SLC12A8: variants seen among roughly 807,000 people sequenced by gnomAD.
SLC12A8 encodes the protein solute carrier family 12 member 8, also known as cation-chloride cotransporter 9.
A neutral mutation model predicts 75.6 loss-of-function variants in SLC12A8; 69 were observed. The observed-to-expected ratio is 0.91, with a 90% CI of 0.75 to 1.11. SLC12A8 has a LOEUF of 1.11. Ranked by LOEUF, SLC12A8 falls within the 50% of genes most tolerant of loss-of-function variation. The pLI is 0.00. For synonymous variants in SLC12A8, 365 were observed against 372.8 expected (o/e 0.98, Z 0.24); for missense variants, 877 against 896.7 (o/e 0.98, Z 0.28).
At chr3:125,179,697 T>C (rs1015165291) in intron 4 of SLC12A8, among the ~76,000 whole-genome samples, 1 of 132,474 alleles carries the variant, frequency 7.5e-6, no homozygotes, top group African/African-American at 2.9e-5. Flanking sequence ...GGAAATACAA[T>C]CATTTCTGAG....
intron 5 of SLC12A8, among the ~76,000 whole-genome samples, chr3:125,140,286 GACTA>G (rs1293615828): frequency 2.6e-5 from 4 of 152,178 alleles, no homozygotes; most frequent in African/African-American, 9.7e-5. Flanking sequence ...CTTGTACGAT[GACTA>G]ACTGAGGACA....
At chr3:125,190,228 T>C (rs1934882209) in intron 3 of SLC12A8, 147 bp downstream of exon 3, 4 of 819,360 alleles carry the variant, frequency 4.9e-6, no homozygotes, top group Non-Finnish European at 7.8e-6. Flanking sequence ...CAAGCAATGC[T>C]AGCTATTCAT....
At chr3:125,201,056 C>G (rs1215377161) in intron 2 of SLC12A8, among the ~76,000 whole-genome samples, 1 of 151,826 alleles carries the variant, frequency 6.6e-6, no homozygotes, top group Non-Finnish European at 1.5e-5. Flanking sequence ...ACCCTTTTTT[C>G]TTTCTTTCTG....
At chr3:125,179,130 T>C (rs1305550905) in intron 4 of SLC12A8, among the ~76,000 whole-genome samples, 1 of 152,244 alleles carries the variant, frequency 6.6e-6, no homozygotes, top group Admixed American at 6.5e-5. Flanking sequence ...CTTGCCATTC[T>C]CTGGGAACAA....
chr3:125,181,961 A>G (rs1430057785), intron 4 of SLC12A8, among the ~76,000 whole-genome samples: 1 of 152,144 alleles, frequency 6.6e-6, no homozygotes, highest in Non-Finnish European at 1.5e-5. Context: ...CCAAGGTGAG[A>G]GGATCACTTG....
chr3:125,149,798 G>C (rs1245970445), intron 5 of SLC12A8, among the ~76,000 whole-genome samples: 6 of 152,102 alleles, frequency 3.9e-5, no homozygotes, highest in African/African-American at 1.4e-4. Context: ...AACAGAGAGA[G>C]AAAAGCATAA....
chr3:125,174,243 C>T (rs984042829), intron 5 of SLC12A8, among the ~76,000 whole-genome samples: 11 of 152,160 alleles, frequency 7.2e-5, no homozygotes, highest in Non-Finnish European at 1.0e-4. Flanking sequence ...CAATATCATA[C>T]GTCATTAGAG....
chr3:125,083,989 C>A lies in SLC12A8; in HGVS notation c.2046G>T (p.Glu682Asp). 6.2e-7 allele frequency: 1 copy of A among 1,613,598 alleles called. No individual in the cohort carries two copies. Residue 682 changes from glutamate to aspartate, a missense_variant, in exon 14 of 14, where the codon GAG becomes GAT. Coordinates refer to ENST00000469902, the MANE Select transcript of SLC12A8 (RefSeq NM_024628.6). ...LAPSLAKVDM[E>D]MTQLTQENAD... ...CATTCTCCTGGGTGAGCTGAGTCAT[C>A]TCCATGTCAACCTTAGCCAGGGACG...
intron 10 of SLC12A8, among the ~76,000 whole-genome samples, chr3:125,102,094 A>T (rs1437146519): frequency 2.0e-5 from 3 of 152,234 alleles, no homozygotes; most frequent in Non-Finnish European, 4.4e-5. Flanking sequence ...AATATGAGAT[A>T]ATAGTTTATA....
At chr3:125,136,278 C>A (rs1446374424) in intron 5 of SLC12A8, among the ~76,000 whole-genome samples, 1 of 152,178 alleles carries the variant, frequency 6.6e-6, no homozygotes, top group African/African-American at 2.4e-5. Context: ...TCCTCCCCAG[C>A]AGCCACACCC....
intron 2 of SLC12A8, among the ~76,000 whole-genome samples, chr3:125,202,826 G>A (rs1935151694): frequency 6.6e-6 from 1 of 151,990 alleles, no homozygotes; most frequent in African/African-American, 2.4e-5. Flanking sequence ...GGTGGCTCAG[G>A]CCTGTAATCC....
intron 13 of SLC12A8, among the ~76,000 whole-genome samples, chr3:125,084,281 T>C (rs1938403950): frequency 6.6e-6 from 1 of 152,038 alleles, no homozygotes; most frequent in African/African-American, 2.4e-5. Flanking sequence ...TTACCCTCCC[T>C]AAGTAGAAAA....
chr3:125,195,675 C>T (rs2107799146), intron 2 of SLC12A8, among the ~76,000 whole-genome samples: 1 of 152,048 alleles, frequency 6.6e-6, no homozygotes, highest in Middle Eastern at 3.4e-3. Context: ...CCTGGTCACA[C>T]ATGGCTCAGC....
chr3:125,169,072 T>C (rs1291015290), intron 5 of SLC12A8, among the ~76,000 whole-genome samples: 4 of 152,218 alleles, frequency 2.6e-5, no homozygotes, highest in Admixed American at 1.3e-4. Context: ...CATTTCTAAA[T>C]GCAGAACATA....
At chr3:125,185,387 C>T (rs1433831211) in intron 4 of SLC12A8, among the ~76,000 whole-genome samples, 1 of 150,492 alleles carries the variant, frequency 6.6e-6, no homozygotes, top group Non-Finnish European at 1.5e-5. Context: ...TGGACAAATT[C>T]CTAGGAAGAT....
At chr3:125,091,166 A>G (rs1370583676) in intron 12 of SLC12A8, among the ~76,000 whole-genome samples, 1 of 152,230 alleles carries the variant, frequency 6.6e-6, no homozygotes, top group African/African-American at 2.4e-5. Context: ...TAAGAAACTT[A>G]CAACAGTATA....
At chr3:125,134,252 C>A (rs1933434592) in intron 6 of SLC12A8, among the ~76,000 whole-genome samples, 1 of 129,428 alleles carries the variant, frequency 7.7e-6, no homozygotes, top group Admixed American at 8.5e-5. Flanking sequence ...CAGGCATGCA[C>A]CACCATGCCA....
rs762840561 is a variant in SLC12A8 at position 125,211,383 on chromosome 3, A to T, written c.-34T>A. On this transcript the variant is annotated 5_prime_UTR_variant, in exon 2 of 14. Coordinates refer to ENST00000469902, the MANE Select transcript of SLC12A8 (RefSeq NM_024628.6). ...AAGCAGGGATCCTGGTGATCTGGAC[A>T]GGGAGACTGCTCTGGAAGGTAACAG... is the stretch of plus-strand genomic sequence containing the variant. The T allele has an allele frequency of 1.4e-5, 23 of 1,589,284 alleles. No homozygotes were observed. The highest frequency in any genetic ancestry group is 1.9e-5 in the Non-Finnish European group (22 of 1,157,866).
chr3:125,203,067 G>T (rs1192421271), intron 2 of SLC12A8, among the ~76,000 whole-genome samples: 7 of 127,484 alleles, frequency 5.5e-5, no homozygotes, highest in Admixed American at 1.8e-4. Flanking sequence ...TAGCCTGGGG[G>T]ACAAGAGCGA....
Sources: allele counts gnomAD v4.1 joint callset (sites outside exome capture counted in the v4.1 genomes callset), GRCh38; gene constraint gnomAD v4.1.1; transcripts MANE v1.5; gene names NCBI Gene and HGNC (gene_info 2026-07-23, HGNC 2026-07-21).